The following SLC26A4 variants were observed in gnomAD, a reference collection of about 807,000 sequenced individuals.
SLC26A4 encodes the protein pendrin.
SLC26A4 carries 93 observed loss-of-function variants against 90.4 expected under a neutral mutation model. The ratio of observed to expected loss-of-function variants is 1.03; its 90% CI spans 0.87 to 1.22. The LOEUF (loss-of-function observed/expected upper bound fraction) is 1.22. Among genes scored for constraint, SLC26A4 ranks in the 50% most tolerant of loss-of-function variants. The pLI is 0.00. For missense variants in SLC26A4, 1,127 were observed against 946.2 expected, an observed-to-expected ratio of 1.19 and a Z score of -2.51; for synonymous variants, 393 against 354.6, an observed-to-expected ratio of 1.11 and a Z score of -1.22.
intron 10 of SLC26A4, chr7:107,693,199 A>G (rs1385427909): frequency 3.5e-6 from 2 of 566,426 alleles, no homozygotes; most frequent in South Asian, 7.7e-5. Context: ...GGGAAGTAGG[A>G]TATCAGCTTC....
intron 4 of SLC26A4, 94 bp downstream of exon 4, chr7:107,672,342 A>C (rs1180685444): frequency 1.4e-5 from 7 of 496,252 alleles, no homozygotes; most frequent in Non-Finnish European, 2.5e-5. Context: ...TTGGTGCAAA[A>C]GTAATTGCGG....
In SLC26A4 at chr7:107,668,803, C is replaced by T. The variant is rs192129933; in HGVS notation, c.305-3335C>T. Among the ~76,000 whole-genome samples the T allele has an allele frequency of 1.2e-3, 187 of 152,286 alleles. 7 individuals carry two copies. The South Asian group carries it at 0.037, about 30-fold the overall frequency. ...CTGGTGACAGCCCGTCACCTTGCTG[C>T]GTCCTCACATGGTGGAAGGCTTTAC... On this transcript the variant is annotated intron_variant, in intron 3 of 20. Coordinates refer to ENST00000644269, the MANE Select transcript of SLC26A4 (RefSeq NM_000441.2).
chr7:107,694,621 T>TCGGTCTTGGCAGC lies in SLC26A4; in HGVS notation c.1343_1355dup (p.Val453GlyfsTer19), dbSNP rs1791686622. On this transcript the variant is annotated frameshift_variant and splice_region_variant, in exon 12 of 21. Transcript: ENST00000644269. LOFTEE classifies it high-confidence loss of function. ...CAGCCTTCTCTGTCTCTCTTGGCAGTCGGTCTTGGCAGCTGTTGTAATTGC... is the reference window on the plus strand; with the variant it reads ...CAGCCTTCTCTGTCTCTCTTGGCAGTCGGTCTTGGCAGCCGGTCTTGGCAGCTGTTGTAATTGC... 1 of 1,610,856 alleles carries TCGGTCTTGGCAGC rather than the reference T, an allele frequency of 6.2e-7. No individual in the cohort carries two copies. The highest frequency in any genetic ancestry group is 2.2e-5 in the East Asian group (1 of 44,870).
Position 107,704,362 on chromosome 7 carries a change from A to G in SLC26A4, c.2066A>G (p.Asn689Ser). The G allele has an allele frequency of 7.1e-7, 1 of 1,401,234 alleles. No homozygotes were observed. The highest frequency in any genetic ancestry group is 1.0e-6 in the Non-Finnish European group (1 of 989,928). 86.8% of individuals were successfully genotyped at this position (1,401,234 alleles called of 1,614,324 possible). Residue 689 changes from asparagine to serine, a missense_variant, in exon 18 of 21, where the codon AAT becomes AGT. Transcript: ENST00000644269. ...AAAGAATTCCAAAGAATTGATGTGAATGTGTATTTTGCATCACTTCAAGGT... is the reference window on the plus strand; with the variant it reads ...AAAGAATTCCAAAGAATTGATGTGAGTGTGTATTTTGCATCACTTCAAGGT... ...IVKEFQRIDV[N>S]VYFASLQDYV... is the part of the protein sequence containing the mutation.
At chr7:107,709,391 G>A (rs565143501) in intron 18 of SLC26A4, among the ~76,000 whole-genome samples, 1 of 152,306 alleles carries the variant, frequency 6.6e-6, no homozygotes, top group East Asian at 1.9e-4. Context: ...TCCCATCTCA[G>A]CCTCCTGAGT....
rs1554358062 is a variant in SLC26A4 at position 107,686,443 on chromosome 7, T to TTCTTTCTTTCTTTCTTTCTTTC, written c.1002-2597_1002-2596insCTTTCTTTCTCTTTCTTTCTTT. Among the ~76,000 whole-genome samples the TTCTTTCTTTCTTTCTTTCTTTC allele has an allele frequency of 4.8e-5, 7 of 146,776 alleles. No individual in the cohort carries two copies. The East Asian group carries it at 1.2e-3, about 25-fold the overall frequency. ...TTTCTTTCTTTCTTTCTTTCTTTCT[T>TTCTTTCTTTCTTTCTTTCTTTC]TCTTTCTTTCTTTTCTTTCTTTCCT... On this transcript the variant is annotated intron_variant, in intron 8 of 20. Coordinates refer to ENST00000644269, the MANE Select transcript of SLC26A4 (RefSeq NM_000441.2).
intron 4 of SLC26A4, among the ~76,000 whole-genome samples, chr7:107,673,405 C>T (rs1170928637): frequency 2.0e-5 from 3 of 151,830 alleles, no homozygotes; most frequent in African/African-American, 7.3e-5. Context: ...ATCCTAACTT[C>T]GACCCTGTGA....
rs558885997 is a variant in SLC26A4 at position 107,677,487 on chromosome 7, G to A, written c.765+2378G>A. ...ATGAATAGACCTCATGAAGCTCGCC[G>A]TTCATTTCCTCGGGACCCAGCCTAT... On this transcript the variant is annotated intron_variant, in intron 6 of 20. Coordinates refer to ENST00000644269, the MANE Select transcript of SLC26A4 (RefSeq NM_000441.2). Among the ~76,000 whole-genome samples the A allele has an allele frequency of 2.6e-5, 4 of 152,120 alleles. No homozygotes were observed. The South Asian group carries it at 6.2e-4, about 24-fold the overall frequency.
At chr7:107,680,518 A>G (rs1791204628) in intron 6 of SLC26A4, among the ~76,000 whole-genome samples, 1 of 148,180 alleles carries the variant, frequency 6.7e-6, no homozygotes, top group Non-Finnish European at 1.5e-5. Flanking sequence ...ATAATAATGT[A>G]AACTGACTAT....
intron 8 of SLC26A4, 47 bp downstream of exon 8, chr7:107,683,584 C>A: frequency 6.9e-7 from 1 of 1,443,388 alleles, no homozygotes; most frequent in Non-Finnish European, 9.7e-7. Flanking sequence ...GTCAGTAAGT[C>A]AGTCTTTTTT....
Position 107,694,493 on chromosome 7 carries a change from T to C in SLC26A4, c.1341+13T>C, listed in dbSNP as rs559718444. 3 of 1,596,338 alleles carry C rather than the reference T, an allele frequency of 1.9e-6. No homozygotes were observed. The highest frequency in any genetic ancestry group is 1.3e-5 in the African/African-American group (1 of 74,710). ...ACCCTTGCAGAAGGTATAACCCTGC[T>C]TCTCTGCATACCGATTGCATAATTT... On this transcript the variant is annotated intron_variant, in intron 11 of 20. Transcript: ENST00000644269.
At chr7:107,677,674 T>C (rs1264636915) in intron 6 of SLC26A4, among the ~76,000 whole-genome samples, 1 of 151,594 alleles carries the variant, frequency 6.6e-6, no homozygotes, top group Admixed American at 6.6e-5. Flanking sequence ...AGCACAGTCA[T>C]AGCTCACTGC....
intron 6 of SLC26A4, among the ~76,000 whole-genome samples, chr7:107,676,545 T>C (rs892320248): frequency 6.6e-6 from 1 of 152,210 alleles, no homozygotes; most frequent in Non-Finnish European, 1.5e-5. Flanking sequence ...GTGTTCTACA[T>C]AAAGCATGTT....
chr7:107,706,253 A>G (rs1264849012), intron 18 of SLC26A4, among the ~76,000 whole-genome samples: 2 of 152,230 alleles, frequency 1.3e-5, no homozygotes, highest in African/African-American at 2.4e-5. Flanking sequence ...TTTACACAGT[A>G]CAGCAAGAAT....
chr7:107,690,299 A>G, intron 10 of SLC26A4, 62 bp downstream of exon 10: 1 of 1,002,084 alleles, frequency 1.0e-6, no homozygotes, highest in Non-Finnish European at 1.6e-6. Context: ...GCAACAGAGG[A>G]AGGCTCGCAC....
intron 10 of SLC26A4, chr7:107,692,140 T>C (rs1219944755): frequency 1.6e-6 from 2 of 1,231,080 alleles, no homozygotes; most frequent in Admixed American, 4.9e-5. Flanking sequence ...GGTGCTCTGG[T>C]AAGCTAATAC....
chr7:107,711,497 T>C (rs1011553311), intron 19 of SLC26A4, among the ~76,000 whole-genome samples: 23 of 152,164 alleles, frequency 1.5e-4, no homozygotes, highest in Non-Finnish European at 8.8e-5. Flanking sequence ...GGGATGGATT[T>C]TTTTGGACCT....
At chr7:107,686,399 TC>T (rs1791411962) in intron 8 of SLC26A4, among the ~76,000 whole-genome samples, 1 of 141,076 alleles carries the variant, frequency 7.1e-6, no homozygotes, top group African/African-American at 2.7e-5. Context: ...CCTTCCTCTC[TC>T]TCTTTTTTCT....
intron 19 of SLC26A4, among the ~76,000 whole-genome samples, chr7:107,712,106 T>C (rs186717756): frequency 6.6e-6 from 1 of 152,332 alleles, no homozygotes; most frequent in Admixed American, 6.5e-5. Context: ...CCATCTCCAA[T>C]AGAATTAATT....
Sources: gnomAD v4.1 joint callset for allele counts (sites outside exome capture counted in the v4.1 genomes callset) on GRCh38, gnomAD v4.1.1 for gene constraint, MANE v1.5 for transcripts, NCBI Gene and HGNC (gene_info 2026-07-23, HGNC 2026-07-21) for gene names.